The following STRN3 variants were observed in gnomAD, a reference collection of about 807,000 sequenced individuals.
STRN3 encodes the protein striatin-3.
A neutral mutation model predicts 95.6 loss-of-function variants in STRN3; 29 were observed. The observed-to-expected ratio is 0.30, with a 90% CI of 0.23 to 0.41. The LOEUF is 0.41. STRN3 is among the 10% of genes least tolerant of loss of function. The pLI is 1.00. For synonymous variants in STRN3, 331 were observed against 357.6 expected (o/e 0.93, Z 0.84); for missense variants, 890 against 972.1 (o/e 0.92, Z 1.12).
chr14:30,975,441 T>C (rs1361724624), intron 1 of STRN3, among the ~76,000 whole-genome samples: 2 of 150,740 alleles, frequency 1.3e-5, no homozygotes, highest in African/African-American at 4.9e-5. Context: ...GACTACACAA[T>C]GGTTACACTG....
At chr14:31,013,890 A>C (rs1045543133) in intron 1 of STRN3, among the ~76,000 whole-genome samples, 1 of 96,398 alleles carries the variant, frequency 1.0e-5, no homozygotes, top group East Asian at 2.0e-4. Flanking sequence ...TATTATTATT[A>C]TTATTATTAT....
At chr14:30,910,369 C>T (rs1311787168) in intron 13 of STRN3, among the ~76,000 whole-genome samples, 2 of 152,208 alleles carry the variant, frequency 1.3e-5, no homozygotes, top group East Asian at 1.9e-4. Context: ...TATTTCTTGA[C>T]ATAGTGCTTA....
At chr14:30,980,317 G>A (rs1881328346) in intron 1 of STRN3, among the ~76,000 whole-genome samples, 1 of 152,112 alleles carries the variant, frequency 6.6e-6, no homozygotes, top group Admixed American at 6.6e-5. Flanking sequence ...GACCACTAGA[G>A]GTCACCAGCG....
chr14:31,023,965 C>G (rs1883642728), intron 1 of STRN3, among the ~76,000 whole-genome samples: 1 of 151,926 alleles, frequency 6.6e-6, no homozygotes, highest in Admixed American at 6.6e-5. Context: ...TGGCTAATAA[C>G]AGTACTGTAC....
intron 16 of STRN3, among the ~76,000 whole-genome samples, chr14:30,901,530 C>A (rs1191179932): frequency 3.3e-5 from 5 of 152,132 alleles, no homozygotes; most frequent in African/African-American, 9.7e-5. Flanking sequence ...TAATTTGTTA[C>A]CCTGTAACAA....
intron 1 of STRN3, among the ~76,000 whole-genome samples, chr14:31,016,509 G>A (rs1883241512): frequency 6.6e-6 from 1 of 151,770 alleles, no homozygotes; most frequent in Non-Finnish European, 1.5e-5. Flanking sequence ...TTCAAACAAT[G>A]GCAAGGCAAA....
chr14:30,919,037 G>A lies in STRN3; in HGVS notation c.1169C>T (p.Ser390Leu). The A allele has an allele frequency of 6.2e-7, 1 of 1,612,190 alleles. No homozygotes were observed. Among genetic ancestry groups the A allele is most frequent in the Non-Finnish European group, 8.5e-7 (1 of 1,178,878 alleles). ...TGACCTAGACTGATTAATGATTCCT[G>A]AAGGGATGTGGGGCAGCTCATCATC... ...LGDDELPHIP[S>L]GIINQSRSAS... The change falls in exon 9 of 18, where the codon TCA becomes TTA. Residue 390 changes from serine to leucine, a missense_variant. Physicochemically the swap from Ser to Leu is moderately radical, Grantham distance 145 (BLOSUM62 -2). Around this residue, in one of 3 missense-constraint regions of STRN3, gnomAD observed 526 missense variants for 526.3 expected, o/e 1.00. Coordinates refer to ENST00000357479, the MANE Select transcript of STRN3 (RefSeq NM_001083893.2).
At chr14:30,965,965 AC>A (rs1430166603) in intron 1 of STRN3, among the ~76,000 whole-genome samples, 2 of 151,718 alleles carry the variant, frequency 1.3e-5, no homozygotes, top group Non-Finnish European at 1.5e-5. Flanking sequence ...TACCCACTCC[AC>A]CCTGACTCAT....
intron 5 of STRN3, among the ~76,000 whole-genome samples, chr14:30,946,225 T>C (rs759793738): frequency 3.9e-5 from 6 of 152,152 alleles, no homozygotes; most frequent in Non-Finnish European, 7.4e-5. Context: ...TGCACCTATT[T>C]CGAACTAGTC....
At chr14:31,009,829 G>C (rs1294872729) in intron 1 of STRN3, among the ~76,000 whole-genome samples, 1 of 152,160 alleles carries the variant, frequency 6.6e-6, no homozygotes, top group East Asian at 1.9e-4. Context: ...GCCAGGTGCT[G>C]ATATCATGCC....
At chr14:30,946,601 T>C (rs1473933230) in intron 5 of STRN3, among the ~76,000 whole-genome samples, 2 of 152,036 alleles carry the variant, frequency 1.3e-5, no homozygotes, top group Non-Finnish European at 2.9e-5. Context: ...ACAGAAAATT[T>C]AGAAAATTTA....
chr14:30,940,372 G>C (rs1272371504), intron 5 of STRN3, among the ~76,000 whole-genome samples: 1 of 152,098 alleles, frequency 6.6e-6, no homozygotes, highest in Non-Finnish European at 1.5e-5. Context: ...GGGTAAATTT[G>C]AGGCTTTCAT....
At chr14:31,000,017 G>A (rs1266500879) in intron 1 of STRN3, among the ~76,000 whole-genome samples, 2 of 152,136 alleles carry the variant, frequency 1.3e-5, no homozygotes. Flanking sequence ...AAAAGAGATT[G>A]TCTATATCCA....
intron 5 of STRN3, among the ~76,000 whole-genome samples, chr14:30,937,079 G>C (rs552456595): frequency 6.6e-6 from 1 of 152,260 alleles, no homozygotes; most frequent in East Asian, 1.9e-4. Flanking sequence ...CCAGCACTTT[G>C]GGAGGTGAAG....
At chr14:30,910,471 T>G (rs1386198649) in intron 13 of STRN3, among the ~76,000 whole-genome samples, 2 of 152,158 alleles carry the variant, frequency 1.3e-5, no homozygotes, top group East Asian at 3.8e-4. Context: ...TTTATAATTA[T>G]TAACAGTGCC....
chr14:30,941,628 C>CT (rs202183039), intron 5 of STRN3, among the ~76,000 whole-genome samples: 1 of 149,694 alleles, frequency 6.7e-6, no homozygotes, highest in Non-Finnish European at 1.5e-5. Flanking sequence ...GCTTCTTAAA[C>CT]TTTTTTTTTC....
At position 31,003,154 on chromosome 14, in the gene STRN3, C is replaced by T. The variant is rs530716486; in HGVS notation, c.282+22750G>A. Reference sequence around the variant, plus strand: ...GTGGGTGCCTGTAATCCCAGCTACTCGGGAGGCTGAGGCAGGAGAATGGCT... The same window carrying T: ...GTGGGTGCCTGTAATCCCAGCTACTTGGGAGGCTGAGGCAGGAGAATGGCT... On this transcript the variant is annotated intron_variant, in intron 1 of 17. Transcript: ENST00000357479. Among the ~76,000 whole-genome samples, 21 of 150,654 alleles carry T rather than the reference C, an allele frequency of 1.4e-4. No individual in the cohort carries two copies. In the East Asian group the frequency reaches 2.9e-3, roughly 21 times the overall value.
intron 14 of STRN3, 141 bp downstream of exon 14, chr14:30,906,736 A>G (rs1334432965): frequency 5.3e-6 from 5 of 944,178 alleles, no homozygotes; most frequent in Admixed American, 6.1e-5. Flanking sequence ...AAAAATGAGT[A>G]AAAAGTTTAT....
In STRN3 at chr14:30,929,261, G is replaced by C. The variant is rs1878356832; in HGVS notation, c.1039C>G (p.Leu347Val). ...TACTGTTCCTTCAGTTTACTTATTAGTCCCTGGTCTACATCCCAAACCTCA... is the reference window on the plus strand; with the variant it reads ...TACTGTTCCTTCAGTTTACTTATTACTCCCTGGTCTACATCCCAAACCTCA... ...TAEVWDVDQGLISKLKEQYKK... is the reference protein window; with the variant it reads ...TAEVWDVDQGVISKLKEQYKK... The change falls in exon 8 of 18, where the codon CTA (leucine) becomes GTA (valine). Residue 347 changes from leucine (L) to valine (V), a missense_variant. Leu to Val is a conservative substitution (Grantham distance 32). Around this residue, in one of 3 missense-constraint regions of STRN3, gnomAD observed 526 missense variants for 526.3 expected, o/e 1.00. Transcript: ENST00000357479. 6.2e-7 allele frequency: 1 copy of C among 1,612,890 alleles called. No homozygotes were observed. The highest frequency in any genetic ancestry group is 8.5e-7 in the Non-Finnish European group (1 of 1,179,574).
Sources: allele counts gnomAD v4.1 joint callset (sites outside exome capture counted in the v4.1 genomes callset), GRCh38; gene constraint gnomAD v4.1.1; regional missense constraint gnomAD v4.1.1; transcripts MANE v1.5; gene names NCBI Gene and HGNC (gene_info 2026-07-23, HGNC 2026-07-21).